CPED1: variants seen among roughly 807,000 people sequenced by gnomAD.
The protein encoded by CPED1 is cadherin like and PC-esterase domain containing 1, also known as cadherin-like and PC-esterase domain-containing protein 1.
A neutral mutation model predicts 128.2 loss-of-function variants in CPED1; 114 were observed. The ratio of observed to expected loss-of-function variants is 0.89; its 90% CI spans 0.76 to 1.04. The LOEUF (loss-of-function observed/expected upper bound fraction) is 1.04, where lower values mean the gene tolerates loss of function less well. CPED1 is among the 50% of genes least tolerant of loss of function. CPED1 has a pLI of 0.00. For synonymous variants in CPED1, 462 were observed against 426.7 expected (o/e 1.08, Z -1.02); for missense variants, 1,211 against 1,207.1 (o/e 1.00, Z -0.05).
chr7:121,104,908 G>C (rs1335247565), intron 7 of CPED1, among the ~76,000 whole-genome samples: 1 of 152,014 alleles, frequency 6.6e-6, no homozygotes, highest in Admixed American at 6.6e-5. Flanking sequence ...ATGATCATTT[G>C]TTTTCCAGTA....
chr7:121,165,780 A>C (rs1041591416), intron 16 of CPED1, among the ~76,000 whole-genome samples: 6 of 152,146 alleles, frequency 3.9e-5, no homozygotes, highest in Admixed American at 2.0e-4. Flanking sequence ...AATTCAGAGA[A>C]AGACAATATA....
chr7:121,148,031 A>G (rs1796065697), intron 16 of CPED1, among the ~76,000 whole-genome samples: 1 of 152,156 alleles, frequency 6.6e-6, no homozygotes, highest in Non-Finnish European at 1.5e-5. Context: ...CTAATAGCAA[A>G]TATCCATAAT....
At chr7:121,126,034 G>A (rs1229000427) in intron 9 of CPED1, 142 bp downstream of exon 9, 3 of 623,754 alleles carry the variant, frequency 4.8e-6, no homozygotes, top group Admixed American at 5.7e-5. Flanking sequence ...TATTCACTGT[G>A]GTTCAGACAA....
intron 16 of CPED1, among the ~76,000 whole-genome samples, chr7:121,163,070 T>C (rs1251782235): frequency 6.6e-6 from 1 of 152,254 alleles, no homozygotes; most frequent in Non-Finnish European, 1.5e-5. Flanking sequence ...GAGGTTTATC[T>C]TCTGAATATC....
chr7:120,992,607 C>A (rs979773180), intron 2 of CPED1, among the ~76,000 whole-genome samples: 3 of 152,044 alleles, frequency 2.0e-5, no homozygotes, highest in Admixed American at 1.3e-4. Flanking sequence ...AACCTAAAAT[C>A]AAAAAATCAT....
chr7:121,125,714 A>C, intron 8 of CPED1, 106 bp from the exon 9 acceptor site: 2 of 734,310 alleles, frequency 2.7e-6, no homozygotes, highest in Admixed American at 2.0e-5. Context: ...TCTATCATTA[A>C]TGGGCATTTG....
chr7:121,164,283 TAGTTCACTTCTTA>T (rs1796473475), intron 16 of CPED1, among the ~76,000 whole-genome samples: 1 of 152,216 alleles, frequency 6.6e-6, no homozygotes, highest in Admixed American at 6.5e-5. Flanking sequence ...TACACTTCTT[TAGTTCACTTCTTA>T]AGTTTCATCT....
chr7:121,287,015 A>G (rs1043856359), intron 22 of CPED1, among the ~76,000 whole-genome samples: 1 of 152,176 alleles, frequency 6.6e-6, no homozygotes, highest in Non-Finnish European at 1.5e-5. Context: ...TTATGAAATT[A>G]TTAAATCCCA....
intron 16 of CPED1, among the ~76,000 whole-genome samples, chr7:121,203,346 C>G (rs969992085): frequency 8.5e-5 from 13 of 152,110 alleles, no homozygotes; most frequent in African/African-American, 3.1e-4. Flanking sequence ...TCGAACTTAT[C>G]CCTTCTACTG....
intron 16 of CPED1, among the ~76,000 whole-genome samples, chr7:121,174,582 G>T (rs1441477737): frequency 2.0e-5 from 3 of 151,642 alleles, no homozygotes; most frequent in African/African-American, 7.3e-5. Context: ...TTTGGTCTAT[G>T]TGTCTGTCTT....
At chr7:121,021,206 T>C (rs1228768780) in intron 3 of CPED1, among the ~76,000 whole-genome samples, 1 of 151,928 alleles carries the variant, frequency 6.6e-6, no homozygotes, top group Non-Finnish European at 1.5e-5. Context: ...AAAGATATAG[T>C]TAATAGAGCA....
At chr7:121,015,435 A>G (rs1029983668) in intron 2 of CPED1, among the ~76,000 whole-genome samples, 43 of 152,194 alleles carry the variant, frequency 2.8e-4, no homozygotes, top group African/African-American at 1.0e-3. Flanking sequence ...TCTATATTTT[A>G]TGGCCTAAAA....
chr7:121,176,961 T>A (rs1329935922), intron 16 of CPED1, among the ~76,000 whole-genome samples: 1 of 152,100 alleles, frequency 6.6e-6, no homozygotes, highest in Non-Finnish European at 1.5e-5. Flanking sequence ...AAAGTAAATC[T>A]GTCATGTTCT....
Position 121,206,625 on chromosome 7 carries a change from C to T in CPED1, c.2056-30089C>T, listed in dbSNP as rs114719057. Among the ~76,000 whole-genome samples, 1,046 of 151,724 alleles carry T rather than the reference C, an allele frequency of 6.9e-3. 16 individuals are homozygous for T. The highest frequency in any genetic ancestry group is 0.023 in the African/African-American group (967 of 41,386). On this transcript the variant is annotated intron_variant, in intron 16 of 22. Transcript: ENST00000310396. The stretch of plus-strand genomic sequence containing the variant: ...CTTTTTATTTATTATAAATATTTAC[C>T]AAGAAATGATACAATTCAATACAAA...
intron 5 of CPED1, among the ~76,000 whole-genome samples, chr7:121,072,239 T>C (rs1216655619): frequency 6.7e-6 from 1 of 149,460 alleles, no homozygotes; most frequent in Non-Finnish European, 1.5e-5. Flanking sequence ...TCCCTCCCCC[T>C]AGGATGCCTT....
rs374582744 is a variant in CPED1, at chr7:121,295,461, A to G, written c.2890A>G (p.Lys964Glu). Reference protein sequence around the residue: ...FHEVVKSKLSKEYNFIKMKRS... With the variant: ...FHEVVKSKLSEEYNFIKMKRS... ...ACAGGTAGTGAAATCAAAGTTATCC[A>G]AAGAATATAACTTTATTAAAATGAA... is the stretch of plus-strand genomic sequence containing the variant. Residue 964 changes from lysine (K) to glutamate (E), a missense_variant, in exon 23 of 23, where the codon AAA (lysine) becomes GAA (glutamate). Transcript: ENST00000310396. 3 of 1,612,392 alleles carry G rather than the reference A, an allele frequency of 1.9e-6. No homozygotes were observed. The highest frequency in any genetic ancestry group is 1.3e-5 in the African/African-American group (1 of 74,822).
In CPED1 at chr7:121,149,747, A is replaced by C. The variant is rs945807869; in HGVS notation, c.2055+7606A>C. 3.9e-3 allele frequency: 11 copies of C among 2,852 alleles called. No homozygotes were observed. In the Admixed American group the frequency reaches 0.11, roughly 28 times the overall value. The allele number at this position is 2,852 out of a possible 1,614,324, so 0.2% of individuals were successfully genotyped here. A position where few individuals can be genotyped will look rare whatever the true frequency, so the allele number is the denominator to read the frequency against. On this transcript the variant is annotated intron_variant, in intron 16 of 22. Transcript: ENST00000310396. ...TTCTGAACTGGACACAGAAATAGAA[A>C]GGAACCTGAGAGGTTTTTTTCCTAA... is the stretch of plus-strand genomic sequence containing the variant.
At chr7:121,195,829 G>T (rs1035646265) in intron 16 of CPED1, among the ~76,000 whole-genome samples, 8 of 152,138 alleles carry the variant, frequency 5.3e-5, no homozygotes, top group African/African-American at 1.9e-4. Context: ...CCTCAAGCTT[G>T]GTTGGTGTTT....
chr7:121,048,121 C>T (rs549948437), intron 4 of CPED1, among the ~76,000 whole-genome samples: 1 of 152,236 alleles, frequency 6.6e-6, no homozygotes, highest in East Asian at 1.9e-4. Context: ...TCCCTGTGTT[C>T]CCTAACTCCA....
Sources: gnomAD v4.1 joint callset for allele counts (sites outside exome capture counted in the v4.1 genomes callset) on GRCh38, gnomAD v4.1.1 for gene constraint, MANE v1.5 for transcripts, NCBI Gene and HGNC (gene_info 2026-07-23, HGNC 2026-07-21) for gene names.